Variants in RALGAPA2 observed in about 807,000 individuals in gnomAD.
The protein encoded by RALGAPA2 is Ral GTPase activating protein catalytic subunit alpha 2, also known as ral GTPase-activating protein subunit alpha-2.
RALGAPA2 carries 139 observed loss-of-function variants against 230.4 expected under a neutral mutation model. The ratio of observed to expected loss-of-function variants is 0.60; its 90% CI spans 0.53 to 0.69. The LOEUF (loss-of-function observed/expected upper bound fraction) is 0.69, where lower values mean the gene tolerates loss of function less well. Among genes scored for constraint, RALGAPA2 ranks in the 30% least tolerant of loss-of-function variants. The pLI is 0.00. For synonymous variants in RALGAPA2, 847 were observed against 837.8 expected (o/e 1.01, Z -0.19); for missense variants, 2,163 against 2,276.0 (o/e 0.95, Z 1.01).
intron 1 of RALGAPA2, among the ~76,000 whole-genome samples, chr20:20,695,827 C>T (rs1249373329): frequency 6.6e-6 from 1 of 152,168 alleles, no homozygotes; most frequent in Non-Finnish European, 1.5e-5. Flanking sequence ...TAAAGCACAA[C>T]TGGGGTCCTA....
intron 38 of RALGAPA2, among the ~76,000 whole-genome samples, chr20:20,408,998 A>C (rs1569370000): frequency 6.6e-6 from 1 of 152,204 alleles, no homozygotes; most frequent in Non-Finnish European, 1.5e-5. Flanking sequence ...AGGAAAATAG[A>C]TTTTGTTTTG....
chr20:20,504,999 T>A (rs1002431882), intron 34 of RALGAPA2: 9 of 984,570 alleles, frequency 9.1e-6, no homozygotes, highest in Non-Finnish European at 1.1e-5. Context: ...TTATATTATA[T>A]TTTCATTGCA....
In RALGAPA2 at chr20:20,458,806, C is replaced by CTA. The variant is rs374799031; in HGVS notation, c.5495+14021_5495+14022dup. Among the ~76,000 whole-genome samples, 52 of 69,918 alleles carry CTA rather than the reference C, an allele frequency of 7.4e-4. 1 individual carries two copies. Among genetic ancestry groups the CTA allele is most frequent in the African/African-American group, 3.6e-3 (50 of 14,058 alleles). 45.9% of individuals were successfully genotyped at this position (69,918 alleles called of 152,430 possible). Reference sequence around the variant, plus strand: ...TATATAGACCTATATATATATAGACCTATATATATATAGACCTATATATAT... The same window carrying CTA: ...TATATAGACCTATATATATATAGACCTATATATATATATAGACCTATATATAT... On this transcript the variant is annotated intron_variant, in intron 37 of 39. Transcript: ENST00000202677.
At chr20:20,665,111 C>A (rs1230425730) in intron 3 of RALGAPA2, among the ~76,000 whole-genome samples, 1 of 152,178 alleles carries the variant, frequency 6.6e-6, no homozygotes, top group Non-Finnish European at 1.5e-5. Context: ...AATCAACTTA[C>A]CAAAACTGCA....
At position 20,392,895 on chromosome 20, in the gene RALGAPA2, G is replaced by A. The variant is rs11908230; in HGVS notation, c.*394C>T. 0.015 allele frequency: 5,191 copies of A among 342,182 alleles called. 156 individuals are homozygous for A. Among genetic ancestry groups the A allele is most frequent in the African/African-American group, 0.085 (3,848 of 45,218 alleles). 21.2% of individuals were successfully genotyped at this position (342,182 alleles called of 1,614,324 possible). A position where few individuals can be genotyped will look rare whatever the true frequency, so the allele number is the denominator to read the frequency against. ...TGCCCTCTGCCCCCTCCCTGAAAGC[G>A]CAGAATCTTTTCCTGCTGTCATCTG... On this transcript the variant is annotated 3_prime_UTR_variant, in exon 40 of 40. Coordinates refer to ENST00000202677, the MANE Select transcript of RALGAPA2 (RefSeq NM_020343.4).
At chr20:20,659,422 C>A (rs879859741) in intron 3 of RALGAPA2, among the ~76,000 whole-genome samples, 2 of 152,140 alleles carry the variant, frequency 1.3e-5, no homozygotes, top group African/African-American at 4.8e-5. Context: ...ACCTGCTATA[C>A]GTTTAAAGTT....
At chr20:20,504,164 T>C (rs927033053) in intron 34 of RALGAPA2, among the ~76,000 whole-genome samples, 4 of 151,814 alleles carry the variant, frequency 2.6e-5, no homozygotes, top group Admixed American at 6.5e-5. Context: ...AGTAAACATA[T>C]ACTCTCAAAA....
At chr20:20,536,623 T>C (rs1569469174) in intron 25 of RALGAPA2, 33 bp downstream of exon 25, 1 of 1,602,200 alleles carries the variant, frequency 6.2e-7, no homozygotes, top group Non-Finnish European at 8.5e-7. Flanking sequence ...TAAAAAGTAC[T>C]AAACTTGAGA....
Position 20,572,984 on chromosome 20 carries a change from A to G in RALGAPA2, c.2792T>C (p.Leu931Ser), listed in dbSNP as rs1314882711. The change falls in exon 21 of 40, where the codon TTA becomes TCA. Residue 931 changes from leucine (L) to serine (S), a missense_variant. By Grantham distance (145) the Leu-to-Ser change is moderately radical. Transcript: ENST00000202677. The stretch of plus-strand genomic sequence containing the variant: ...GAGGATCCCCAAGACCCTTCGCCAT[A>G]ACACAGCAGCAGAGTCTGGGTGCCA... ...TGWHPDSAAV[L>S]WRRVLGILGD... 1 of 1,609,172 alleles carries G rather than the reference A, an allele frequency of 6.2e-7. No homozygotes were observed. Among genetic ancestry groups the G allele is most frequent in the Non-Finnish European group, 8.5e-7 (1 of 1,177,792 alleles).
rs796286876 is a variant in RALGAPA2, at chr20:20,450,397, T to C, written c.5495+22432A>G. On this transcript the variant is annotated intron_variant, in intron 37 of 39. Transcript: ENST00000202677. ...TAACTTAACGATAATTTTGTTTTCA[T>C]ATTTATTCCATACAATCAAGGTTTA... Among the ~76,000 whole-genome samples, 8 of 152,282 alleles carry C rather than the reference T, an allele frequency of 5.3e-5. No individual in the cohort carries two copies. The South Asian group carries it at 1.4e-3, about 28-fold the overall frequency.
chr20:20,509,279 G>A (rs1218891323), intron 33 of RALGAPA2, among the ~76,000 whole-genome samples: 1 of 152,110 alleles, frequency 6.6e-6, no homozygotes, highest in Admixed American at 6.6e-5. Context: ...GCAGCTTCAG[G>A]TTTTTCATTT....
chr20:20,531,373 GCACGA>G (rs1221518874), intron 27 of RALGAPA2, among the ~76,000 whole-genome samples: 1 of 152,196 alleles, frequency 6.6e-6, no homozygotes, highest in Non-Finnish European at 1.5e-5. Context: ...AGAGGCCAGA[GCACGA>G]CACCCCACTC....
At chr20:20,527,836 G>A (rs1220018570) in intron 27 of RALGAPA2, among the ~76,000 whole-genome samples, 1 of 152,218 alleles carries the variant, frequency 6.6e-6, no homozygotes, top group Admixed American at 6.5e-5. Context: ...GAGAACATGA[G>A]TGGGCACTGT....
chr20:20,399,768 G>A (rs929537309), intron 38 of RALGAPA2, among the ~76,000 whole-genome samples: 1 of 152,220 alleles, frequency 6.6e-6, no homozygotes, highest in African/African-American at 2.4e-5. Flanking sequence ...GCTTTCTCCA[G>A]CTGTACTCAC....
In RALGAPA2 at chr20:20,437,722, C is replaced by G. The variant is rs1227248627; in HGVS notation, c.5496-25574G>C. Among the ~76,000 whole-genome samples, 1 of 152,112 alleles carries G rather than the reference C, an allele frequency of 6.6e-6. No individual in the cohort carries two copies. Among genetic ancestry groups the G allele is most frequent in the African/African-American group, 2.4e-5 (1 of 41,416 alleles). ...TCTCAGGAGGCACTGTGATCCAGAC[C>G]CTTCATTCTCCTTTTCTTGGCTTCA... On this transcript the variant is annotated intron_variant, in intron 37 of 39. Transcript: ENST00000202677. The surrounding 1 kb of genome is among the most constrained non-coding windows in gnomAD (Gnocchi z 4.1).
rs775227463 is a variant in RALGAPA2, at chr20:20,591,287, T to C, written c.2231A>G (p.Asn744Ser). 24 of 1,613,858 alleles carry C rather than the reference T, an allele frequency of 1.5e-5. No individual in the cohort carries two copies. In the South Asian group the frequency reaches 2.5e-4, roughly 17 times the overall value. The change falls in exon 17 of 40, where the codon AAT becomes AGT. Residue 744 changes from asparagine (N) to serine (S), a missense_variant. Physicochemically the swap from Asn to Ser is conservative, Grantham distance 46. Transcript: ENST00000202677. ...TEVEECQQSENAPAAGSGHLT... is the reference protein window; with the variant it reads ...TEVEECQQSESAPAAGSGHLT... The stretch of plus-strand genomic sequence containing the variant: ...ATGGCCAGATCCGGCTGCAGGTGCA[T>C]TTTCTGACTGTTGACACTCCTCCAC...
intron 38 of RALGAPA2, among the ~76,000 whole-genome samples, chr20:20,401,891 T>C (rs1373509156): frequency 2.0e-5 from 3 of 152,256 alleles, no homozygotes; most frequent in African/African-American, 7.2e-5. Context: ...TTCTCAGTTA[T>C]CCGTGCCAAA....
chr20:20,399,343 CAAAAAAAAAA>C (rs11396922), intron 38 of RALGAPA2, among the ~76,000 whole-genome samples: 1 of 115,986 alleles, frequency 8.6e-6, no homozygotes, highest in Non-Finnish European at 1.7e-5. Context: ...AACTCCGTCT[CAAAAAAAAAA>C]AAAAAAAAAG....
rs2063476935 is a variant in RALGAPA2, at chr20:20,535,653, A to G, written c.3473+92T>C. ...TCAGTCTGTATAAGAGCTATGTGAA[A>G]GAATAAGTGTTTTCTTTTGTAACAT... is the stretch of plus-strand genomic sequence containing the variant. On this transcript the variant is annotated intron_variant, in intron 26 of 39. Coordinates refer to ENST00000202677, the MANE Select transcript of RALGAPA2 (RefSeq NM_020343.4). 2.1e-6 allele frequency: 3 copies of G among 1,463,250 alleles called. No individual in the cohort carries two copies. The South Asian group carries it at 4.4e-5, about 21-fold the overall frequency. 90.6% of individuals were successfully genotyped at this position (1,463,250 alleles called of 1,614,324 possible). A position where few individuals can be genotyped will look rare whatever the true frequency, so the allele number is the denominator to read the frequency against.
Sources: gnomAD v4.1 joint callset for allele counts (sites outside exome capture counted in the v4.1 genomes callset) on GRCh38, gnomAD v4.1.1 for gene constraint, Gnocchi (gnomAD v3.1) non-coding constraint, MANE v1.5 for transcripts, NCBI Gene and HGNC (gene_info 2026-07-23, HGNC 2026-07-21) for gene names.